Variants in SEPTIN9 observed in about 807,000 individuals in gnomAD.
SEPTIN9 encodes the protein septin-9.
Under a neutral mutation model 56.6 loss-of-function variants are expected in SEPTIN9, and 13 were observed. The ratio of observed to expected loss-of-function variants is 0.23; its 90% CI spans 0.15 to 0.37. The LOEUF (loss-of-function observed/expected upper bound fraction) is 0.37. SEPTIN9 is among the 10% of genes least tolerant of loss of function. The pLI is 1.00. For synonymous variants in SEPTIN9, 332 were observed against 334.1 expected (o/e 0.99, Z 0.07); for missense variants, 650 against 823.1 (o/e 0.79, Z 2.57).
At chr17:77,403,583 C>G (rs2035973642) in intron 3 of SEPTIN9, among the ~76,000 whole-genome samples, 1 of 152,100 alleles carries the variant, frequency 6.6e-6, no homozygotes, top group South Asian at 2.1e-4. Flanking sequence ...CCCCCTGGCC[C>G]CAGCAGGGAT....
chr17:77,466,411 C>T, intron 3 of SEPTIN9: 6 of 985,506 alleles, frequency 6.1e-6, no homozygotes, highest in Non-Finnish European at 7.2e-6. Context: ...GCTGGAAGGG[C>T]CTGGGAGGGG....
intron 2 of SEPTIN9, among the ~76,000 whole-genome samples, chr17:77,361,726 A>G (rs8073090): frequency 2.4e-4 from 36 of 151,250 alleles, no homozygotes; most frequent in Admixed American, 1.8e-3. Context: ...TCCGCCTCCC[A>G]GGTTCACGCC....
In SEPTIN9 at chr17:77,498,923, T is replaced by G; in HGVS notation, c.*265T>G. 1 of 561,126 alleles carries G rather than the reference T, an allele frequency of 1.8e-6. No individual in the cohort carries two copies. Among genetic ancestry groups the G allele is most frequent in the Non-Finnish European group, 3.4e-6 (1 of 293,488 alleles). 34.8% of individuals were successfully genotyped at this position (561,126 alleles called of 1,614,324 possible). A position where few individuals can be genotyped will look rare whatever the true frequency, so the allele number is the denominator to read the frequency against. ...CCCACTGAATTGACATGACCCTCTG[T>G]CCCCAGGCCTGGCTCCCCGAGGGCT... On this transcript the variant is annotated 3_prime_UTR_variant, in exon 12 of 12. Coordinates refer to ENST00000427177, the MANE Select transcript of SEPTIN9 (RefSeq NM_001113491.2).
intron 3 of SEPTIN9, among the ~76,000 whole-genome samples, chr17:77,481,099 G>A (rs1252630147): frequency 6.6e-6 from 1 of 152,218 alleles, no homozygotes; most frequent in East Asian, 1.9e-4. Context: ...CCCATCCTGG[G>A]TACCCCTGGA....
intron 3 of SEPTIN9, among the ~76,000 whole-genome samples, chr17:77,410,767 G>A (rs2036268252): frequency 6.6e-6 from 1 of 152,184 alleles, no homozygotes; most frequent in South Asian, 2.1e-4. Context: ...CAGCAAGCAG[G>A]CCTTGTCTGA....
intron 1 of SEPTIN9, among the ~76,000 whole-genome samples, chr17:77,285,140 G>A (rs2031217994): frequency 6.6e-6 from 1 of 152,114 alleles, no homozygotes; most frequent in African/African-American, 2.4e-5. Flanking sequence ...TCAGAGCATG[G>A]TGCAGGGTCT....
At chr17:77,292,364 A>G (rs949459627) in intron 1 of SEPTIN9, among the ~76,000 whole-genome samples, 2 of 152,200 alleles carry the variant, frequency 1.3e-5, no homozygotes, top group African/African-American at 2.4e-5. Context: ...GTTGAGTGAA[A>G]CGCATCTACC....
In SEPTIN9 at chr17:77,436,551, C is replaced by T. The variant is rs2037344020; in HGVS notation, c.721+33848C>T. On this transcript the variant is annotated intron_variant, in intron 3 of 11. Coordinates refer to ENST00000427177, the MANE Select transcript of SEPTIN9 (RefSeq NM_001113491.2). The surrounding 1 kb of genome is among the most constrained non-coding windows in gnomAD (Gnocchi z 4.4). Reference sequence around the variant, plus strand: ...TCCTCCCACTTCCTTTGCCATGGGCCCCCTCCTCCACGCAGACCCTCAGCC... The same window carrying T: ...TCCTCCCACTTCCTTTGCCATGGGCTCCCTCCTCCACGCAGACCCTCAGCC... 6.6e-6 allele frequency among the ~76,000 whole-genome samples: 1 copy of T among 152,224 alleles called. No individual in the cohort carries two copies.
In SEPTIN9 at chr17:77,327,804, G is replaced by A. The variant is rs1033674440; in HGVS notation, c.76+20607G>A. Among the ~76,000 whole-genome samples the A allele has an allele frequency of 7.2e-5, 11 of 152,142 alleles. No individual in the cohort carries two copies. Among genetic ancestry groups the A allele is most frequent in the African/African-American group, 1.2e-4 (5 of 41,418 alleles). On this transcript the variant is annotated intron_variant, in intron 2 of 11. Transcript: ENST00000427177. The surrounding 1 kb of genome is among the most constrained non-coding windows in gnomAD (Gnocchi z 5.0). ...TAAACAACACACCCTCGAAATCAGC[G>A]AAGAGGCACTGGCTCTGAAACTTTG... is the stretch of plus-strand genomic sequence containing the variant.
chr17:77,292,987 A>AGCAT (rs1289723003), intron 1 of SEPTIN9, among the ~76,000 whole-genome samples: 18 of 142,254 alleles, frequency 1.3e-4, no homozygotes, highest in African/African-American at 3.6e-4. Flanking sequence ...AAACCGCTTG[A>AGCAT]GCATTTATTT....
In SEPTIN9 at chr17:77,475,904, G is replaced by A. The variant is rs2039194686; in HGVS notation, c.722-6240G>A. ...GCCACCATTGGCAGTGACAGACAAG[G>A]TGTGTGGGGATGTGGCCATTTCGGT... On this transcript the variant is annotated intron_variant, in intron 3 of 11. Transcript: ENST00000427177. The surrounding 1 kb of genome is among the most constrained non-coding windows in gnomAD (Gnocchi z 4.6). 2 of 1,609,040 alleles carry A rather than the reference G, an allele frequency of 1.2e-6. No homozygotes were observed. The highest frequency in any genetic ancestry group is 1.3e-5 in the African/African-American group (1 of 74,986).
intron 3 of SEPTIN9, among the ~76,000 whole-genome samples, chr17:77,452,149 G>A (rs1258253211): frequency 1.3e-5 from 2 of 152,208 alleles, no homozygotes; most frequent in Non-Finnish European, 2.9e-5. Flanking sequence ...TGCTGCTGGC[G>A]GGGCTGGTCT....
At chr17:77,414,328 G>A (rs1378728130) in intron 3 of SEPTIN9, among the ~76,000 whole-genome samples, 2 of 152,046 alleles carry the variant, frequency 1.3e-5, no homozygotes, top group African/African-American at 2.4e-5. Context: ...ACCCGCCTCA[G>A]CCTCCCAAAG....
At chr17:77,439,804 C>G (rs969406837) in intron 3 of SEPTIN9, among the ~76,000 whole-genome samples, 1 of 152,216 alleles carries the variant, frequency 6.6e-6, no homozygotes, top group Admixed American at 6.5e-5. Context: ...CTCTGCAGGC[C>G]CCCGCTGCCT....
chr17:77,463,958 A>G (rs2038595723), intron 3 of SEPTIN9, among the ~76,000 whole-genome samples: 1 of 152,238 alleles, frequency 6.6e-6, no homozygotes, highest in Non-Finnish European at 1.5e-5. Flanking sequence ...GTTCTTGATC[A>G]GTTGTTGGCT....
intron 3 of SEPTIN9, among the ~76,000 whole-genome samples, chr17:77,415,809 G>A (rs1403553638): frequency 6.6e-6 from 1 of 152,152 alleles, no homozygotes; most frequent in Non-Finnish European, 1.5e-5. Flanking sequence ...GGCATAAGGA[G>A]CAAAATAAGG....
intron 3 of SEPTIN9, chr17:77,444,856 A>C: frequency 3.2e-6 from 1 of 314,418 alleles, no homozygotes; most frequent in Admixed American, 4.8e-5. Context: ...CGTGGTGTAG[A>C]CCTACTTTGA....
chr17:77,323,324 G>A lies in SEPTIN9; in HGVS notation c.76+16127G>A, dbSNP rs2033011556. 6.6e-6 allele frequency among the ~76,000 whole-genome samples: 1 copy of A among 151,972 alleles called. No homozygotes were observed. The highest frequency in any genetic ancestry group is 1.5e-5 in the Non-Finnish European group (1 of 67,968). Reference sequence around the variant, plus strand: ...AGGGTCGGAGCTTTTTTTTTGTTCTGGAACGGCTTTGTGGCTTTTACAAAT... The same window carrying A: ...AGGGTCGGAGCTTTTTTTTTGTTCTAGAACGGCTTTGTGGCTTTTACAAAT... On this transcript the variant is annotated intron_variant, in intron 2 of 11. Coordinates refer to ENST00000427177, the MANE Select transcript of SEPTIN9 (RefSeq NM_001113491.2). The surrounding 1 kb of genome is among the most constrained non-coding windows in gnomAD (Gnocchi z 6.8).
In SEPTIN9 at chr17:77,425,519, A is replaced by G. The variant is rs1002970067; in HGVS notation, c.721+22816A>G. 6.6e-6 allele frequency among the ~76,000 whole-genome samples: 1 copy of G among 152,002 alleles called. No homozygotes were observed. Among genetic ancestry groups the G allele is most frequent in the Admixed American group, 6.5e-5 (1 of 15,282 alleles). On this transcript the variant is annotated intron_variant, in intron 3 of 11. Coordinates refer to ENST00000427177, the MANE Select transcript of SEPTIN9 (RefSeq NM_001113491.2). The surrounding 1 kb of genome is among the most constrained non-coding windows in gnomAD (Gnocchi z 4.2). Reference sequence around the variant, plus strand: ...CGCTGCCTGGGGGGGGTTCCCTTACATGGAAGGAGCTGCAGCTGAGCTGGC... The same window carrying G: ...CGCTGCCTGGGGGGGGTTCCCTTACGTGGAAGGAGCTGCAGCTGAGCTGGC...
Sources: allele counts gnomAD v4.1 joint callset (sites outside exome capture counted in the v4.1 genomes callset), GRCh38; gene constraint gnomAD v4.1.1; non-coding constraint Gnocchi (gnomAD v3.1); transcripts MANE v1.5; gene names NCBI Gene and HGNC (gene_info 2026-07-23, HGNC 2026-07-21).